PAX2: variants seen among roughly 807,000 people sequenced by gnomAD.
PAX2 encodes the protein paired box protein Pax-2.
A neutral mutation model predicts 41.7 loss-of-function variants in PAX2; 9 were observed. That is an observed-to-expected ratio of 0.22 (90% CI 0.13 to 0.38). The LOEUF (loss-of-function observed/expected upper bound fraction) is 0.38, where lower values mean the gene tolerates loss of function less well. PAX2 is among the 10% of genes least tolerant of loss of function. The probability of loss-of-function intolerance (pLI) is 1.00; values close to 1 mark genes in which losing one functional copy is unlikely to be tolerated. For synonymous variants in PAX2, 221 were observed against 212.7 expected (o/e 1.04, Z -0.34); for missense variants, 418 against 531.6 (o/e 0.79, Z 2.10).
chr10:100,797,899 G>A (rs1847393795), intron 5 of PAX2, among the ~76,000 whole-genome samples: 1 of 152,078 alleles, frequency 6.6e-6, no homozygotes, highest in African/African-American at 2.4e-5. Flanking sequence ...AGGCCGGTGG[G>A]TGTGAATGGG....
chr10:100,791,166 C>T lies in PAX2; in HGVS notation c.616+9801C>T, dbSNP rs933936551. ...AGCATCCCCTCCCTCCCTGAGGCTC[C>T]GCCTGCCTGCTTCAAAGCACCCTTT... On this transcript the variant is annotated intron_variant, in intron 5 of 9. Coordinates refer to ENST00000355243, the MANE Select transcript of PAX2 (RefSeq NM_000278.5). The surrounding 1 kb of genome is among the most constrained non-coding windows in gnomAD (Gnocchi z 4.5). Among the ~76,000 whole-genome samples, 56 of 152,206 alleles carry T rather than the reference C, an allele frequency of 3.7e-4. No homozygotes were observed. The highest frequency in any genetic ancestry group is 1.6e-3 in the Admixed American group (24 of 15,290).
chr10:100,794,301 A>T (rs533545637), intron 5 of PAX2, among the ~76,000 whole-genome samples: 1 of 152,270 alleles, frequency 6.6e-6, no homozygotes, highest in Non-Finnish European at 1.5e-5. Flanking sequence ...ATGTGGGTCC[A>T]TCTCCACTCC....
Position 100,828,966 on chromosome 10 carries a change from C to G in PAX2, c.*1347C>G, listed in dbSNP as rs1848685037. On this transcript the variant is annotated 3_prime_UTR_variant, in exon 10 of 10. Transcript: ENST00000355243. The surrounding 1 kb of genome is among the most constrained non-coding windows in gnomAD (Gnocchi z 6.5). ...GTAGAGTCCCTGTCGCCCGCCGGCCCTGCCTGTAGATACGCCCCGCTGTCT... is the reference window on the plus strand; with the variant it reads ...GTAGAGTCCCTGTCGCCCGCCGGCCGTGCCTGTAGATACGCCCCGCTGTCT... 8.8e-6 allele frequency: 2 copies of G among 227,800 alleles called. No individual in the cohort carries two copies. The highest frequency in any genetic ancestry group is 1.7e-5 in the Non-Finnish European group (2 of 114,902). 14.1% of individuals were successfully genotyped at this position (227,800 alleles called of 1,614,324 possible).
intron 3 of PAX2, among the ~76,000 whole-genome samples, chr10:100,778,699 G>A (rs1169070613): frequency 6.6e-6 from 1 of 152,208 alleles, no homozygotes; most frequent in Non-Finnish European, 1.5e-5. Context: ...TCCCTGAAAA[G>A]CAGGCTCCTG....
chr10:100,769,431 C>T (rs1846131481), intron 3 of PAX2, among the ~76,000 whole-genome samples: 1 of 151,774 alleles, frequency 6.6e-6, no homozygotes. Flanking sequence ...AGTTTGAGAC[C>T]AGCCTGGCCA....
rs2133919740 is a variant in PAX2, at chr10:100,791,406, C to G, written c.616+10041C>G. The stretch of plus-strand genomic sequence containing the variant: ...TGCATGTGTGTAAGGTTGGGGTACA[C>G]ACAGGGGCAGCAGTAGAATGTGATC... On this transcript the variant is annotated intron_variant, in intron 5 of 9. Transcript: ENST00000355243. The surrounding 1 kb of genome is among the most constrained non-coding windows in gnomAD (Gnocchi z 4.5). Among the ~76,000 whole-genome samples the G allele has an allele frequency of 6.6e-6, 1 of 152,268 alleles. No homozygotes were observed. The highest frequency in any genetic ancestry group is 2.4e-5 in the African/African-American group (1 of 41,542).
intron 5 of PAX2, among the ~76,000 whole-genome samples, chr10:100,801,342 T>G (rs1473147419): frequency 6.6e-6 from 1 of 152,204 alleles, no homozygotes; most frequent in Non-Finnish European, 1.5e-5. Flanking sequence ...GCTAAGCAAA[T>G]AGGAAACAGT....
chr10:100,802,966 G>A lies in PAX2; in HGVS notation c.617-3464G>A, dbSNP rs148926172. Reference sequence around the variant, plus strand: ...TCTCTTTCTTCCTCCTTGCCGTCCCGTCTGAGACTTTGCCCTTGGAAAGTC... The same window carrying A: ...TCTCTTTCTTCCTCCTTGCCGTCCCATCTGAGACTTTGCCCTTGGAAAGTC... On this transcript the variant is annotated intron_variant, in intron 5 of 9. Coordinates refer to ENST00000355243, the MANE Select transcript of PAX2 (RefSeq NM_000278.5). Among the ~76,000 whole-genome samples the A allele has an allele frequency of 7.9e-3, 1,195 of 151,870 alleles. 13 individuals carry two copies. The highest frequency in any genetic ancestry group is 0.024 in the South Asian group (117 of 4,782).
intron 3 of PAX2, among the ~76,000 whole-genome samples, chr10:100,753,291 T>C (rs1043969067): frequency 7.2e-5 from 11 of 152,208 alleles, no homozygotes; most frequent in African/African-American, 2.7e-4. Context: ...GGCTTCCCTG[T>C]GTGCTGCTGA....
At chr10:100,781,530 G>A (rs536576505) in intron 5 of PAX2, among the ~76,000 whole-genome samples, 165 bp downstream of exon 5, 1 of 152,330 alleles carries the variant, frequency 6.6e-6, no homozygotes, top group Admixed American at 6.5e-5. Context: ...GAGGGAGGGT[G>A]GCTGCTAGTG....
intron 6 of PAX2, among the ~76,000 whole-genome samples, chr10:100,808,113 G>A (rs187761904): frequency 2.1e-4 from 32 of 152,218 alleles, no homozygotes; most frequent in South Asian, 4.1e-4. Context: ...CCTGAAACTC[G>A]GAGCAGGGCC....
intron 8 of PAX2, among the ~76,000 whole-genome samples, chr10:100,825,482 C>G (rs1472424669): frequency 6.6e-6 from 1 of 152,132 alleles, no homozygotes; most frequent in Non-Finnish European, 1.5e-5. Flanking sequence ...TTGTACTATA[C>G]CTAACCCCTA....
At chr10:100,774,068 A>G (rs1846304318) in intron 3 of PAX2, among the ~76,000 whole-genome samples, 1 of 152,214 alleles carries the variant, frequency 6.6e-6, no homozygotes, top group Non-Finnish European at 1.5e-5. Context: ...AGAGTGAAAC[A>G]CAGAGAAAAG....
At chr10:100,753,625 A>G (rs1391536674) in intron 3 of PAX2, among the ~76,000 whole-genome samples, 2 of 152,142 alleles carry the variant, frequency 1.3e-5, no homozygotes, top group South Asian at 2.1e-4. Context: ...AACAGTTATG[A>G]GTAAGGTTGT....
At chr10:100,777,800 C>T (rs1846452589) in intron 3 of PAX2, among the ~76,000 whole-genome samples, 2 of 152,230 alleles carry the variant, frequency 1.3e-5, no homozygotes, top group Admixed American at 1.3e-4. Flanking sequence ...TGCGAATTAA[C>T]AGTAATATAT....
In PAX2 at chr10:100,748,257, G is replaced by A. The variant is rs1362048173; in HGVS notation, c.44-1489G>A. The A allele has an allele frequency of 1.0e-5, 10 of 985,032 alleles. No homozygotes were observed. The highest frequency in any genetic ancestry group is 1.2e-5 in the Non-Finnish European group (10 of 829,866). The allele number at this position is 985,032 out of a possible 1,614,324, so 61.0% of individuals were successfully genotyped here. On this transcript the variant is annotated intron_variant, in intron 1 of 9. Coordinates refer to ENST00000355243, the MANE Select transcript of PAX2 (RefSeq NM_000278.5). This position sits in a 1 kb window ranked among gnomAD's most constrained non-coding sequence, Gnocchi z 5.0. ...TACCGGTAACGCGAGTTCTCCCGGG[G>A]CCTAAATTATTGATGGTCGGGGTTT...
At chr10:100,736,675 G>A (rs763051542) in intron 1 of PAX2, among the ~76,000 whole-genome samples, 2 of 150,940 alleles carry the variant, frequency 1.3e-5, no homozygotes, top group Non-Finnish European at 1.5e-5. Flanking sequence ...CTAGCTTCTC[G>A]ACCCAATCCC....
rs1326092723 is a variant in PAX2 at position 100,827,636 on chromosome 10, A to G, written c.*17A>G. Reference sequence around the variant, plus strand: ...CGCCACTAGTTACCGCGGGGACCACATCAAGCTTCAGGCCGACAGCTTCGG... The same window carrying G: ...CGCCACTAGTTACCGCGGGGACCACGTCAAGCTTCAGGCCGACAGCTTCGG... On this transcript the variant is annotated 3_prime_UTR_variant, in exon 10 of 10. Transcript: ENST00000355243. The surrounding 1 kb of genome is among the most constrained non-coding windows in gnomAD (Gnocchi z 8.5). 1.2e-6 allele frequency: 2 copies of G among 1,613,638 alleles called. No homozygotes were observed. The highest frequency in any genetic ancestry group is 1.7e-6 in the Non-Finnish European group (2 of 1,179,886).
chr10:100,824,922 T>A lies in PAX2; in HGVS notation c.1021+173T>A. Reference sequence around the variant, plus strand: ...CTTAGAGGCTGCAGTTGGTCCCTCATCCTCCCTCATGAGCAAGCCGGGGAG... The same window carrying A: ...CTTAGAGGCTGCAGTTGGTCCCTCAACCTCCCTCATGAGCAAGCCGGGGAG... On this transcript the variant is annotated intron_variant, in intron 8 of 9. Transcript: ENST00000355243. The surrounding 1 kb of genome is among the most constrained non-coding windows in gnomAD (Gnocchi z 6.6). 2.5e-6 allele frequency: 4 copies of A among 1,614,026 alleles called. No homozygotes were observed. Among genetic ancestry groups the A allele is most frequent in the Non-Finnish European group, 3.4e-6 (4 of 1,179,954 alleles).
Sources: allele counts gnomAD v4.1 joint callset (sites outside exome capture counted in the v4.1 genomes callset), GRCh38; gene constraint gnomAD v4.1.1; non-coding constraint Gnocchi (gnomAD v3.1); transcripts MANE v1.5; gene names NCBI Gene and HGNC (gene_info 2026-07-23, HGNC 2026-07-21).